ACER3: variants seen among roughly 807,000 people sequenced by gnomAD.
The protein encoded by ACER3 is alkCDase 3.
Under a neutral mutation model 48.9 loss-of-function variants are expected in ACER3, and 16 were observed. The ratio of observed to expected loss-of-function variants is 0.33; its 90% CI spans 0.22 to 0.50. ACER3 has a LOEUF of 0.50. Ranked by LOEUF, ACER3 falls within the 20% of genes least tolerant of loss-of-function variation. ACER3 has a pLI of 0.98. For synonymous variants in ACER3, 109 were observed against 107.8 expected (o/e 1.01, Z -0.07); for missense variants, 227 against 326.0 (o/e 0.70, Z 2.34).
chr11:76,911,556 TCAG>T (rs144509543), intron 1 of ACER3, among the ~76,000 whole-genome samples: 1 of 152,276 alleles, frequency 6.6e-6, no homozygotes, highest in Non-Finnish European at 1.5e-5. Context: ...AGAATGCAGC[TCAG>T]CAGATTTCAG....
At chr11:76,875,107 C>CTTTTTTTTTTTTTTTTTTTTTTTTTTT (rs10676364) in intron 1 of ACER3, among the ~76,000 whole-genome samples, 10 of 78,160 alleles carry the variant, frequency 1.3e-4, no homozygotes, top group African/African-American at 3.6e-4. Flanking sequence ...AAAAGCACTT[C>CTTTTTTTTTTTTTTTTTTTTTTTTTTT]TTTTTTTTTT....
intron 2 of ACER3, among the ~76,000 whole-genome samples, chr11:76,948,756 T>C (rs761851275): frequency 6.6e-6 from 1 of 152,224 alleles, no homozygotes; most frequent in Non-Finnish European, 1.5e-5. Flanking sequence ...GGCTTTTAAA[T>C]TTCTGTCATG....
Position 76,937,285 on chromosome 11 carries a change from C to T in ACER3, c.214+10618C>T, listed in dbSNP as rs148518632. On this transcript the variant is annotated intron_variant, in intron 2 of 10. Transcript: ENST00000532485. The stretch of plus-strand genomic sequence containing the variant: ...ATTCTTCTTGCATTGCTGATGAGAA[C>T]ACAAAGTTTTTGAAGCTGAATTTGG... Among the ~76,000 whole-genome samples the T allele has an allele frequency of 5.3e-5, 8 of 152,278 alleles. No individual in the cohort carries two copies. The East Asian group carries it at 1.3e-3, about 26-fold the overall frequency.
At position 77,021,302 on chromosome 11, in the gene ACER3, A is replaced by T. The variant is rs1197415248; in HGVS notation, c.*975A>T. On this transcript the variant is annotated 3_prime_UTR_variant, in exon 11 of 11. Coordinates refer to ENST00000532485, the MANE Select transcript of ACER3 (RefSeq NM_018367.7). Reference sequence around the variant, plus strand: ...TGTTGCATTAACTAAAGCTAAAATTATCAGAATCCTATTTACATAAAGCAT... The same window carrying T: ...TGTTGCATTAACTAAAGCTAAAATTTTCAGAATCCTATTTACATAAAGCAT... 6.6e-6 allele frequency: 1 copy of T among 152,204 alleles called. No individual in the cohort carries two copies. Among genetic ancestry groups the T allele is most frequent in the Non-Finnish European group, 1.5e-5 (1 of 68,038 alleles). 9.4% of individuals were successfully genotyped at this position (152,204 alleles called of 1,614,324 possible).
intron 4 of ACER3, among the ~76,000 whole-genome samples, chr11:76,982,193 T>G (rs997787947): frequency 1.1e-4 from 17 of 151,998 alleles, no homozygotes; most frequent in African/African-American, 3.9e-4. Flanking sequence ...AAGAACTATC[T>G]ATTCAATCTA....
intron 1 of ACER3, among the ~76,000 whole-genome samples, chr11:76,898,041 CTTTTT>C: frequency 6.7e-6 from 1 of 148,930 alleles, no homozygotes; most frequent in South Asian, 2.1e-4. Flanking sequence ...TTGAAGCTGA[CTTTTT>C]TTTTTAACTA....
chr11:77,019,584 A>C lies in ACER3; in HGVS notation c.705-147A>C, dbSNP rs548323818. ...ATATTTTGAGTAGATGCTCAAAAAAAAAACAGTTGCTGAACAAATGAAGCA... is the reference window on the plus strand; with the variant it reads ...ATATTTTGAGTAGATGCTCAAAAAACAAACAGTTGCTGAACAAATGAAGCA... On this transcript the variant is annotated intron_variant, in intron 9 of 10. Transcript: ENST00000532485. 7.8e-5 allele frequency: 54 copies of C among 695,164 alleles called. No individual in the cohort carries two copies. In the East Asian group the frequency reaches 1.3e-3, roughly 16 times the overall value. 43.1% of individuals were successfully genotyped at this position (695,164 alleles called of 1,614,324 possible). A position where few individuals can be genotyped will look rare whatever the true frequency, so the allele number is the denominator to read the frequency against.
chr11:76,892,692 A>T (rs898628733), intron 1 of ACER3, among the ~76,000 whole-genome samples: 31 of 152,286 alleles, frequency 2.0e-4, no homozygotes, highest in Admixed American at 9.2e-4. Flanking sequence ...AATTTTTTTT[A>T]AATTTTAAAA....
chr11:76,956,439 A>G (rs1402167629), intron 2 of ACER3, among the ~76,000 whole-genome samples: 1 of 152,118 alleles, frequency 6.6e-6, no homozygotes, highest in Non-Finnish European at 1.5e-5. Flanking sequence ...ACCAGAATAG[A>G]TTTTCATCAG....
chr11:76,861,312 G>C (rs1033514711), intron 1 of ACER3, among the ~76,000 whole-genome samples: 4 of 149,994 alleles, frequency 2.7e-5, no homozygotes, highest in African/African-American at 7.3e-5. Flanking sequence ...CTGAGGATTG[G>C]GGGGGCAGAA....
chr11:76,899,392 T>A (rs879848076), intron 1 of ACER3, among the ~76,000 whole-genome samples: 4 of 152,228 alleles, frequency 2.6e-5, no homozygotes, highest in Admixed American at 2.6e-4. Context: ...ATAGTTATAT[T>A]GCATGCTTTT....
At chr11:76,932,680 A>T (rs892644319) in intron 2 of ACER3, among the ~76,000 whole-genome samples, 1 of 152,220 alleles carries the variant, frequency 6.6e-6, no homozygotes, top group African/African-American at 2.4e-5. Flanking sequence ...AGGAAAACAA[A>T]TAGAACTACG....
chr11:76,976,681 T>C (rs1280483245), intron 4 of ACER3, among the ~76,000 whole-genome samples: 2 of 152,234 alleles, frequency 1.3e-5, no homozygotes, highest in Non-Finnish European at 2.9e-5. Context: ...TATTCTACAA[T>C]ATAGTTTAAC....
At chr11:76,995,880 C>G (rs1948899434) in intron 6 of ACER3, among the ~76,000 whole-genome samples, 1 of 152,146 alleles carries the variant, frequency 6.6e-6, no homozygotes, top group Non-Finnish European at 1.5e-5. Context: ...AATTCATTCC[C>G]TTTGACTCCT....
chr11:76,968,784 A>T (rs568284922), intron 3 of ACER3, among the ~76,000 whole-genome samples: 2 of 152,362 alleles, frequency 1.3e-5, no homozygotes, highest in Admixed American at 1.3e-4. Flanking sequence ...CCTTATACAA[A>T]AATTAATTCA....
chr11:76,972,183 G>A (rs7118398), intron 3 of ACER3, among the ~76,000 whole-genome samples: 1 of 152,022 alleles, frequency 6.6e-6, no homozygotes, highest in Non-Finnish European at 1.5e-5. Flanking sequence ...GAACTGCCAG[G>A]CTGTTTTTGA....
chr11:76,993,117 C>T (rs1315538099), intron 6 of ACER3, among the ~76,000 whole-genome samples: 1 of 152,188 alleles, frequency 6.6e-6, no homozygotes, highest in Non-Finnish European at 1.5e-5. Context: ...CTGCTCACCT[C>T]AGCCCCTGCC....
At chr11:76,886,886 C>T (rs1376704157) in intron 1 of ACER3, among the ~76,000 whole-genome samples, 1 of 152,134 alleles carries the variant, frequency 6.6e-6, no homozygotes. Flanking sequence ...GCATGTTGCC[C>T]AGGCTGGTTT....
rs1481827429 is a variant in ACER3, at chr11:76,889,707, A to G, written c.103+28628A>G. Among the ~76,000 whole-genome samples the G allele has an allele frequency of 2.0e-5, 3 of 152,022 alleles. No individual in the cohort carries two copies. The East Asian group carries it at 5.8e-4, about 29-fold the overall frequency. ...ATAGTTTCATGTATTTGCATACATT[A>G]TTGTCTTTGTCTGGAATGTTCTGCT... On this transcript the variant is annotated intron_variant, in intron 1 of 10. Coordinates refer to ENST00000532485, the MANE Select transcript of ACER3 (RefSeq NM_018367.7).
Sources: gnomAD v4.1 joint callset for allele counts (sites outside exome capture counted in the v4.1 genomes callset) on GRCh38, gnomAD v4.1.1 for gene constraint, MANE v1.5 for transcripts, NCBI Gene and HGNC (gene_info 2026-07-23, HGNC 2026-07-21) for gene names.